Variants in PDE3B observed in about 807,000 individuals in gnomAD.
The protein encoded by PDE3B is phosphodiesterase 3B.
Under a neutral mutation model 116.8 loss-of-function variants are expected in PDE3B, and 66 were observed. That is an observed-to-expected ratio of 0.56 (90% confidence interval 0.46 to 0.69). The LOEUF is 0.69. Among genes scored for constraint, PDE3B ranks in the 30% least tolerant of loss-of-function variants. The pLI is 0.00. For synonymous variants in PDE3B, 595 were observed against 533.6 expected (o/e 1.12, Z -1.59); for missense variants, 1,384 against 1,368.1 (o/e 1.01, Z -0.18).
chr11:14,863,991 A>C (rs1352665904), intron 14 of PDE3B, among the ~76,000 whole-genome samples: 2 of 152,232 alleles, frequency 1.3e-5, no homozygotes, highest in African/African-American at 4.8e-5. Flanking sequence ...AAATGCCCCA[A>C]TTAAAAGGCA....
intron 1 of PDE3B, among the ~76,000 whole-genome samples, chr11:14,667,008 A>G (rs369400221): frequency 3.3e-5 from 5 of 152,252 alleles, no homozygotes; most frequent in African/African-American, 9.6e-5. Flanking sequence ...GGCATTATTC[A>G]CAATAGCAAA....
At chr11:14,812,315 T>C (rs1009893847) in intron 5 of PDE3B, among the ~76,000 whole-genome samples, 3 of 152,142 alleles carry the variant, frequency 2.0e-5, no homozygotes, top group Non-Finnish European at 4.4e-5. Context: ...GTCACCACAG[T>C]GGAATTAGAT....
downstream of PDE3B, among the ~76,000 whole-genome samples, chr11:14,872,299 G>A (rs1848151917): frequency 6.6e-6 from 1 of 152,124 alleles, no homozygotes; most frequent in Non-Finnish European, 1.5e-5. Flanking sequence ...GGATAGGAGT[G>A]GCAGGTGGAG....
At chr11:14,727,639 T>G (rs964923480) in intron 1 of PDE3B, among the ~76,000 whole-genome samples, 1 of 152,178 alleles carries the variant, frequency 6.6e-6, no homozygotes, top group Non-Finnish European at 1.5e-5. Flanking sequence ...TTGGTAACTC[T>G]ATTATTTTTA....
In PDE3B at chr11:14,747,579, A is replaced by G. The variant is rs536385196; in HGVS notation, c.979-24358A>G. Reference sequence around the variant, plus strand: ...GGGATAGGGACAAAGGGAAGTGTATAGTTTTCATTTTAAGCCTTTATGTGC... The same window carrying G: ...GGGATAGGGACAAAGGGAAGTGTATGGTTTTCATTTTAAGCCTTTATGTGC... On this transcript the variant is annotated intron_variant, in intron 1 of 15. Transcript: ENST00000282096. Among the ~76,000 whole-genome samples the G allele has an allele frequency of 1.3e-4, 20 of 152,292 alleles. No individual in the cohort carries two copies. The South Asian group carries it at 4.1e-3, about 32-fold the overall frequency.
At chr11:14,855,436 G>T (rs1847831592) in intron 12 of PDE3B, among the ~76,000 whole-genome samples, 1 of 151,908 alleles carries the variant, frequency 6.6e-6, no homozygotes, top group East Asian at 1.9e-4. Flanking sequence ...AGCAACAATA[G>T]ATGCTAGACA....
chr11:14,891,951 C>T, the PDE3B span: 6 of 1,607,338 alleles, frequency 3.7e-6, no homozygotes. Context: ...CCTGGCGGCC[C>T]TCCCTGCCCG....
chr11:14,722,663 A>G (rs1856156407), intron 1 of PDE3B, among the ~76,000 whole-genome samples: 1 of 152,214 alleles, frequency 6.6e-6, no homozygotes, highest in South Asian at 2.1e-4. Context: ...TGAGAAGCAG[A>G]TTCTGCAGAG....
At chr11:14,709,729 T>C (rs1855644256) in intron 1 of PDE3B, among the ~76,000 whole-genome samples, 1 of 152,186 alleles carries the variant, frequency 6.6e-6, no homozygotes, top group African/African-American at 2.4e-5. Flanking sequence ...TGTAATAGGT[T>C]TATTTCCCCT....
chr11:14,647,201 C>G (rs1853435100), intron 1 of PDE3B, among the ~76,000 whole-genome samples: 2 of 151,800 alleles, frequency 1.3e-5, no homozygotes, highest in African/African-American at 4.8e-5. Flanking sequence ...TTGTATATGA[C>G]AATGGTAAAA....
chr11:14,711,055 A>T (rs1855687573), intron 1 of PDE3B, among the ~76,000 whole-genome samples: 1 of 152,142 alleles, frequency 6.6e-6, no homozygotes, highest in Non-Finnish European at 1.5e-5. Flanking sequence ...TTTAAGGAAG[A>T]TCTCTGAGTT....
the PDE3B span, among the ~76,000 whole-genome samples, chr11:14,897,042 A>G: frequency 6.6e-6 from 1 of 152,248 alleles, no homozygotes; most frequent in South Asian, 2.1e-4. Flanking sequence ...TAGGGTAGAG[A>G]ATATCAGTGC....
chr11:14,845,828 A>G (rs1847587437), intron 12 of PDE3B, among the ~76,000 whole-genome samples: 1 of 152,202 alleles, frequency 6.6e-6, no homozygotes, highest in Non-Finnish European at 1.5e-5. Context: ...TCCAAGAAAT[A>G]TGGGACTATG....
intron 2 of PDE3B, chr11:14,773,353 A>G (rs1857697674): frequency 1.3e-5 from 2 of 152,008 alleles, no homozygotes. Context: ...ACTAGATTCT[A>G]TTTGTTAATG....
chr11:14,652,938 A>G (rs1035836642), intron 1 of PDE3B, among the ~76,000 whole-genome samples: 3 of 152,206 alleles, frequency 2.0e-5, no homozygotes, highest in Admixed American at 6.6e-5. Flanking sequence ...ATTTATTTGT[A>G]TATTAATTTA....
intron 1 of PDE3B, among the ~76,000 whole-genome samples, chr11:14,660,382 A>G (rs1590038701): frequency 1.3e-5 from 2 of 151,124 alleles, no homozygotes; most frequent in South Asian, 4.2e-4. Flanking sequence ...GCTCACTGCA[A>G]CCTCTGCCTC....
intron 1 of PDE3B, among the ~76,000 whole-genome samples, chr11:14,684,170 A>C (rs1854793082): frequency 6.6e-6 from 1 of 152,178 alleles, no homozygotes; most frequent in Non-Finnish European, 1.5e-5. Context: ...TGTTTTTCAA[A>C]GTTTGAAAGT....
intron 12 of PDE3B, among the ~76,000 whole-genome samples, chr11:14,846,287 G>A (rs922423857): frequency 2.1e-4 from 32 of 152,102 alleles, no homozygotes; most frequent in Non-Finnish European, 4.0e-4. Flanking sequence ...ACAAGCAAAT[G>A]CTGAGAGATT....
At chr11:14,782,276 A>G (rs2133910838) in intron 2 of PDE3B, among the ~76,000 whole-genome samples, 1 of 152,340 alleles carries the variant, frequency 6.6e-6, no homozygotes, top group Admixed American at 6.5e-5. Context: ...GTTCATGTGG[A>G]ACCAAAAAAG....
Sources: gnomAD v4.1 joint callset for allele counts (sites outside exome capture counted in the v4.1 genomes callset) on GRCh38, gnomAD v4.1.1 for gene constraint, MANE v1.5 for transcripts, NCBI Gene and HGNC (gene_info 2026-07-23, HGNC 2026-07-21) for gene names.